The following PDCD6 variants were observed in gnomAD, a reference collection of about 807,000 sequenced individuals.
PDCD6 encodes programmed cell death 6.
A neutral mutation model predicts 28.3 loss-of-function variants in PDCD6; 12 were observed. The ratio of observed to expected loss-of-function variants is 0.42; its 90% CI spans 0.27 to 0.69. PDCD6 has a LOEUF of 0.69. Among genes scored for constraint, PDCD6 ranks in the 30% least tolerant of loss-of-function variants. The pLI, the probability that PDCD6 is intolerant of heterozygous loss-of-function variation, is 0.22. For missense variants in PDCD6, 226 were observed against 269.9 expected, an observed-to-expected ratio of 0.84 and a Z score of 1.14; for synonymous variants, 92 against 108.0, an observed-to-expected ratio of 0.85 and a Z score of 0.92.
At chr5:281,229 T>C (rs1442328460) in intron 2 of PDCD6, among the ~76,000 whole-genome samples, 1 of 152,262 alleles carries the variant, frequency 6.6e-6, no homozygotes, top group African/African-American at 2.4e-5. Flanking sequence ...ATTCATTTAC[T>C]TCTGCTGCAG....
chr5:301,101 G>C (rs1452786659), intron 2 of PDCD6, among the ~76,000 whole-genome samples: 2 of 152,248 alleles, frequency 1.3e-5, no homozygotes, highest in Non-Finnish European at 2.9e-5. Flanking sequence ...CTTATGATCA[G>C]GACACGTCAC....
Position 306,588 on chromosome 5 carries a change from C to T in PDCD6, c.209-14C>T. ...ACTGATCTTTTGCTGCTTGACCGTT[C>T]CTCTCTGTCTCAGCCATGTTTGACC... is the stretch of plus-strand genomic sequence containing the variant. On this transcript the variant is annotated splice_polypyrimidine_tract_variant and intron_variant, in intron 3 of 5. Coordinates refer to ENST00000264933, the MANE Select transcript of PDCD6 (RefSeq NM_013232.4). The T allele has an allele frequency of 1.2e-6, 2 of 1,611,142 alleles. No homozygotes were observed. Among genetic ancestry groups the T allele is most frequent in the African/African-American group, 1.3e-5 (1 of 75,018 alleles).
At position 313,232 on chromosome 5, in the gene PDCD6, T is replaced by G. The variant is rs1692039078; in HGVS notation, c.478-1185T>G. Among the ~76,000 whole-genome samples, 3 of 152,384 alleles carry G rather than the reference T, an allele frequency of 2.0e-5. No individual in the cohort carries two copies. The South Asian group carries it at 6.2e-4, about 32-fold the overall frequency. ...AAGTTAAAATTCCCTCAAAAACGTT[T>G]TTATTTATCTGCTTTTTCTGAAAGG... On this transcript the variant is annotated intron_variant, in intron 5 of 5. Transcript: ENST00000264933.
chr5:288,292 T>TTATATA (rs1554006388), intron 2 of PDCD6, among the ~76,000 whole-genome samples: 13 of 107,110 alleles, frequency 1.2e-4, no homozygotes, highest in African/African-American at 2.8e-4. Context: ...AATATATATA[T>TTATATA]TATATATATA....
chr5:287,173 C>T (rs1739024108), intron 2 of PDCD6, among the ~76,000 whole-genome samples: 1 of 151,876 alleles, frequency 6.6e-6, no homozygotes, highest in Non-Finnish European at 1.5e-5. Flanking sequence ...GGTACTGCCA[C>T]TGATGTCTTA....
intron 2 of PDCD6, among the ~76,000 whole-genome samples, chr5:274,366 C>G (rs995702183): frequency 2.0e-5 from 3 of 152,232 alleles, no homozygotes; most frequent in African/African-American, 7.2e-5. Context: ...AAATACTGGA[C>G]CGCATTAGTA....
At chr5:295,210 AAAAT>A (rs201922807) in intron 2 of PDCD6, among the ~76,000 whole-genome samples, 1 of 104,582 alleles carries the variant, frequency 9.6e-6, no homozygotes, top group Non-Finnish European at 2.0e-5. Flanking sequence ...AAAAACTCTT[AAAAT>A]AAAAAAACCA....
intron 2 of PDCD6, among the ~76,000 whole-genome samples, chr5:300,488 G>T (rs558237763): frequency 6.6e-6 from 1 of 152,220 alleles, no homozygotes; most frequent in Non-Finnish European, 1.5e-5. Context: ...GCAGTCTTTC[G>T]TGCTTTCACC....
rs1740416034 is a variant in PDCD6, at chr5:305,480, TGTA to T, written c.209-1116_209-1114del. On this transcript the variant is annotated intron_variant, in intron 3 of 5. Coordinates refer to ENST00000264933, the MANE Select transcript of PDCD6 (RefSeq NM_013232.4). The surrounding 1 kb of genome is among the most constrained non-coding windows in gnomAD (Gnocchi z 4.0). ...GATGGAGGGAGAGAAAACTTGGAAG[TGTA>T]GTAGTGGCAGGGCTCAGCCTTTAGT... 6.6e-6 allele frequency: 1 copy of T among 151,914 alleles called. No individual in the cohort carries two copies. The highest frequency in any genetic ancestry group is 1.5e-5 in the Non-Finnish European group (1 of 67,970). The allele number at this position is 151,914 out of a possible 1,614,324, so 9.4% of individuals were successfully genotyped here. A position where few individuals can be genotyped will look rare whatever the true frequency, so the allele number is the denominator to read the frequency against.
chr5:274,062 A>G (rs1430213856), intron 2 of PDCD6, among the ~76,000 whole-genome samples: 1 of 151,956 alleles, frequency 6.6e-6, no homozygotes, highest in Non-Finnish European at 1.5e-5. Flanking sequence ...TCAGCTTAAA[A>G]CTTCCTAAAT....
At chr5:288,295 T>C (rs996926505) in intron 2 of PDCD6, among the ~76,000 whole-genome samples, 4 of 107,074 alleles carry the variant, frequency 3.7e-5, no homozygotes, top group Non-Finnish European at 6.8e-5. Flanking sequence ...ATATATATTA[T>C]ATATATATAT....
chr5:282,160 G>C (rs1310680821), intron 2 of PDCD6, among the ~76,000 whole-genome samples: 1 of 151,042 alleles, frequency 6.6e-6, no homozygotes, highest in Non-Finnish European at 1.5e-5. Flanking sequence ...TAGATTGAGG[G>C]TTCTGCAGCT....
intron 2 of PDCD6, among the ~76,000 whole-genome samples, chr5:292,049 C>A (rs1314137183): frequency 6.6e-6 from 1 of 152,202 alleles, no homozygotes. Context: ...TCTCTCCATT[C>A]TCCCCAACAC....
intron 2 of PDCD6, among the ~76,000 whole-genome samples, chr5:273,762 T>G (rs1737999052): frequency 6.6e-6 from 1 of 152,184 alleles, no homozygotes; most frequent in South Asian, 2.1e-4. Flanking sequence ...GTAACATTTT[T>G]ACCTTATATT....
intron 4 of PDCD6, chr5:311,002 T>A (rs1264097294): frequency 2.9e-6 from 1 of 347,218 alleles, no homozygotes; most frequent in Non-Finnish European, 5.3e-6. Flanking sequence ...TTCCCGGAGG[T>A]GAGTAGTTAA....
At chr5:282,890 G>C (rs1738679135) in intron 2 of PDCD6, among the ~76,000 whole-genome samples, 1 of 151,144 alleles carries the variant, frequency 6.6e-6, no homozygotes, top group African/African-American at 2.4e-5. Flanking sequence ...GAAGTCTCGG[G>C]GATGAGCTGA....
Position 311,283 on chromosome 5 carries a change from C to T in PDCD6, c.368-10C>T. ...CCAGCCTTCTCTGACTCTGACTTTC[C>T]CTCTTGAAGGCTACCGGCTCTCTGA... On this transcript the variant is annotated splice_polypyrimidine_tract_variant and intron_variant, in intron 4 of 5. Coordinates refer to ENST00000264933, the MANE Select transcript of PDCD6 (RefSeq NM_013232.4). The T allele has an allele frequency of 6.2e-7, 1 of 1,609,934 alleles. No homozygotes were observed. The highest frequency in any genetic ancestry group is 8.5e-7 in the Non-Finnish European group (1 of 1,176,334).
At chr5:281,845 C>T (rs1349562106) in intron 2 of PDCD6, among the ~76,000 whole-genome samples, 11 of 148,382 alleles carry the variant, frequency 7.4e-5, no homozygotes, top group Non-Finnish European at 1.5e-4. Context: ...CAGCTGAAGA[C>T]TCGGGGATGA....
chr5:293,120 C>T (rs1311833987), intron 2 of PDCD6, among the ~76,000 whole-genome samples: 1 of 152,204 alleles, frequency 6.6e-6, no homozygotes, highest in African/African-American at 2.4e-5. Flanking sequence ...ACAGGGCATC[C>T]CGTCAACATC....
Sources: gnomAD v4.1 joint callset for allele counts (sites outside exome capture counted in the v4.1 genomes callset) on GRCh38, gnomAD v4.1.1 for gene constraint, Gnocchi (gnomAD v3.1) non-coding constraint, MANE v1.5 for transcripts, NCBI Gene and HGNC (gene_info 2026-07-23, HGNC 2026-07-21) for gene names.